The following HOOK3 variants were observed in gnomAD, a reference collection of about 807,000 sequenced individuals.
The protein encoded by HOOK3 is protein Hook homolog 3.
In HOOK3, 24 loss-of-function variants were observed where a neutral mutation model predicts 116.3. That is an observed-to-expected ratio of 0.21 (90% CI 0.15 to 0.29). HOOK3 has a LOEUF of 0.29. Ranked by LOEUF, HOOK3 falls within the 10% of genes least tolerant of loss-of-function variation. The pLI is 1.00. For missense variants in HOOK3, 632 were observed against 830.2 expected (o/e 0.76, Z 2.93); for synonymous variants, 275 against 283.0 (o/e 0.97, Z 0.28).
At chr8:42,901,295 C>T (rs1807184095) in intron 1 of HOOK3, among the ~76,000 whole-genome samples, 1 of 152,166 alleles carries the variant, frequency 6.6e-6, no homozygotes, top group Non-Finnish European at 1.5e-5. Context: ...AGTTTCATGC[C>T]TTAATGCAGT....
At chr8:42,916,049 A>G (rs1807526653) in intron 2 of HOOK3, among the ~76,000 whole-genome samples, 1 of 152,110 alleles carries the variant, frequency 6.6e-6, no homozygotes, top group East Asian at 1.9e-4. Context: ...CCCACCAAAT[A>G]TCTCCTGCCT....
chr8:42,919,159 C>T (rs1438158571), intron 2 of HOOK3, among the ~76,000 whole-genome samples: 46 of 150,362 alleles, frequency 3.1e-4, no homozygotes, highest in South Asian at 1.3e-3. Flanking sequence ...GGGCGGCTGC[C>T]GGGCAGAGGG....
chr8:42,970,418 T>G (rs776942841), intron 11 of HOOK3, among the ~76,000 whole-genome samples: 1 of 152,196 alleles, frequency 6.6e-6, no homozygotes, highest in African/African-American at 2.4e-5. Context: ...TGCTTTCCCT[T>G]TAAACTCCAA....
At position 43,007,784 on chromosome 8, in the gene HOOK3, T is replaced by C. The variant is rs79292313; in HGVS notation, c.1656-63T>C. 830 of 995,926 alleles carry C rather than the reference T, an allele frequency of 8.3e-4. 10 individuals carry two copies. The African/African-American group carries it at 0.012, about 14-fold the overall frequency. The allele number at this position is 995,926 out of a possible 1,614,324, so 61.7% of individuals were successfully genotyped here. ...AATCCAAATATAAGGAACTCAGATC[T>C]TTAATTTGAACTGGAAAAAATTACA... On this transcript the variant is annotated intron_variant, in intron 17 of 21. Coordinates refer to ENST00000307602, the MANE Select transcript of HOOK3 (RefSeq NM_032410.4).
At chr8:42,988,606 A>T (rs1809094120) in intron 15 of HOOK3, among the ~76,000 whole-genome samples, 1 of 151,914 alleles carries the variant, frequency 6.6e-6, no homozygotes, top group South Asian at 2.1e-4. Context: ...AATAACTTAG[A>T]TTATGGCTGC....
chr8:42,951,930 T>TC (rs1456851624), intron 6 of HOOK3, among the ~76,000 whole-genome samples: 1 of 150,294 alleles, frequency 6.7e-6, no homozygotes, highest in African/African-American at 2.5e-5. Context: ...ACAGCGAGAC[T>TC]CCGTCTCAAA....
chr8:42,932,199 T>A (rs1468641924), intron 4 of HOOK3, among the ~76,000 whole-genome samples: 4 of 152,202 alleles, frequency 2.6e-5, no homozygotes, highest in Non-Finnish European at 4.4e-5. Context: ...ACATGATATT[T>A]AAGATACATA....
Position 43,027,247 on chromosome 8 carries a change from C to A in HOOK3, c.*8749C>A. On this transcript the variant is annotated 3_prime_UTR_variant, in exon 22 of 22. Transcript: ENST00000307602. ...ATAGCAAAGTTTTCAACTTGTCTAC[C>A]GAGAGACTTTCTTTAGGAGCCAGGA... The A allele has an allele frequency of 3.8e-6, 1 of 260,662 alleles. No homozygotes were observed. Among genetic ancestry groups the A allele is most frequent in the Non-Finnish European group, 7.6e-6 (1 of 131,104 alleles). 16.1% of individuals were successfully genotyped at this position (260,662 alleles called of 1,614,324 possible).
intron 8 of HOOK3, among the ~76,000 whole-genome samples, chr8:42,962,261 C>CTTTTTT (rs559919675): frequency 1.7e-5 from 2 of 117,784 alleles, no homozygotes; most frequent in East Asian, 2.4e-4. Flanking sequence ...ATTTTCATTT[C>CTTTTTT]TTTTTTTTTT....
intron 13 of HOOK3, among the ~76,000 whole-genome samples, chr8:42,976,134 GT>G (rs1808823994): frequency 6.6e-6 from 1 of 151,916 alleles, no homozygotes; most frequent in Admixed American, 6.6e-5. Flanking sequence ...CTACTTTGTT[GT>G]AAATTGCTTT....
chr8:42,980,758 C>T (rs1257220055), intron 13 of HOOK3, among the ~76,000 whole-genome samples: 6 of 152,056 alleles, frequency 3.9e-5, no homozygotes, highest in Admixed American at 2.6e-4. Flanking sequence ...GAGACGGGTG[C>T]CTGTAATCCC....
intron 2 of HOOK3, among the ~76,000 whole-genome samples, chr8:42,919,203 A>G (rs7841772): frequency 0.25 from 37,762 of 149,042 alleles, 6,869 homozygotes; most frequent in African/African-American, 0.51. Context: ...GCTGCTGGGC[A>G]GAGGGGCTCC....
chr8:42,907,184 G>T (rs920322260), intron 2 of HOOK3, among the ~76,000 whole-genome samples: 1 of 152,180 alleles, frequency 6.6e-6, no homozygotes, highest in Non-Finnish European at 1.5e-5. Context: ...GATTTTAAAA[G>T]ATTTACATGT....
intron 3 of HOOK3, among the ~76,000 whole-genome samples, chr8:42,928,005 C>T (rs1419688913): frequency 1.3e-5 from 2 of 151,820 alleles, no homozygotes; most frequent in African/African-American, 2.4e-5. Context: ...AAATTAGGCC[C>T]GGCATGATGG....
intron 16 of HOOK3, chr8:43,001,154 TG>T (rs1809373291): frequency 6.6e-6 from 1 of 151,960 alleles, no homozygotes; most frequent in African/African-American, 2.4e-5. Flanking sequence ...GTTATCTTTT[TG>T]TATATTTGGG....
chr8:42,959,473 C>G (rs988261611), intron 8 of HOOK3, among the ~76,000 whole-genome samples, 159 bp downstream of exon 8: 2 of 152,010 alleles, frequency 1.3e-5, no homozygotes, highest in African/African-American at 2.4e-5. Context: ...AATCCCAGCA[C>G]TTCGGGAGGC....
intron 2 of HOOK3, among the ~76,000 whole-genome samples, chr8:42,916,686 A>G (rs951114277): frequency 2.2e-4 from 34 of 152,212 alleles, no homozygotes; most frequent in African/African-American, 7.5e-4. Flanking sequence ...CCTGTAGCTT[A>G]AAGGTGTCTA....
intron 13 of HOOK3, among the ~76,000 whole-genome samples, chr8:42,979,788 AT>A (rs900067897): frequency 6.6e-5 from 10 of 151,786 alleles, no homozygotes; most frequent in Non-Finnish European, 8.8e-5. Flanking sequence ...AAATATCCTA[AT>A]TTTTTTTCCC....
chr8:42,916,782 C>T (rs1050870806), intron 2 of HOOK3, among the ~76,000 whole-genome samples: 10 of 152,308 alleles, frequency 6.6e-5, no homozygotes, highest in African/African-American at 2.2e-4. Context: ...TCCCCACCCC[C>T]CTTTTCTGAA....
Sources: allele counts gnomAD v4.1 joint callset (sites outside exome capture counted in the v4.1 genomes callset), GRCh38; gene constraint gnomAD v4.1.1; transcripts MANE v1.5; gene names NCBI Gene and HGNC (gene_info 2026-07-23, HGNC 2026-07-21).